Variants in FRMPD1 observed in about 807,000 individuals in gnomAD.
The protein encoded by FRMPD1 is FERM and PDZ domain-containing protein 1.
FRMPD1 carries 76 observed loss-of-function variants against 117.8 expected under a neutral mutation model. That is an observed-to-expected ratio of 0.65 (90% CI 0.54 to 0.78). The LOEUF is 0.78. FRMPD1 is among the 30% of genes least tolerant of loss of function. The probability of loss-of-function intolerance (pLI) is 0.00; values close to 1 mark genes in which losing one functional copy is unlikely to be tolerated. For missense variants in FRMPD1, 1,786 were observed against 1,964.5 expected (o/e 0.91, Z 1.72); for synonymous variants, 783 against 770.4 (o/e 1.02, Z -0.27).
At chr9:37,640,883 T>A in the FRMPD1 span, among the ~76,000 whole-genome samples, 1 of 152,112 alleles carries the variant, frequency 6.6e-6, no homozygotes, top group African/African-American at 2.4e-5. Flanking sequence ...CACCATGTTA[T>A]TTATTTATTT....
intron 2 of FRMPD1, among the ~76,000 whole-genome samples, chr9:37,703,750 A>G (rs1822609912): frequency 6.6e-6 from 1 of 152,164 alleles, no homozygotes; most frequent in Admixed American, 6.5e-5. Context: ...GTCTCTATAG[A>G]TTAGTCTGTT....
chr9:37,727,036 A>G (rs1823646978), intron 7 of FRMPD1, among the ~76,000 whole-genome samples: 2 of 152,224 alleles, frequency 1.3e-5, no homozygotes, highest in African/African-American at 2.4e-5. Context: ...AACAACACCA[A>G]CAAAGATCCA....
Position 37,746,355 on chromosome 9 carries a change from G to T in FRMPD1, c.4323G>T (p.Gly1441=). 6.2e-7 allele frequency: 1 copy of T among 1,612,562 alleles called. No individual in the cohort carries two copies. The highest frequency in any genetic ancestry group is 8.5e-7 in the Non-Finnish European group (1 of 1,179,688). The change falls in exon 16 of 16, where the codon GGG becomes GGT. Residue 1441 remains glycine, a synonymous_variant. Transcript: ENST00000377765. ...AAGACATTTTAGAAACTTCCTGGGG[G>T]GTTGGAAACAAACATCCCCCAGAGA... ...ELQDILETSW[G]VGNKHPPEKC...
At chr9:37,699,468 C>T (rs1001445329) in intron 2 of FRMPD1, among the ~76,000 whole-genome samples, 5 of 151,582 alleles carry the variant, frequency 3.3e-5, no homozygotes, top group South Asian at 2.1e-4. Flanking sequence ...TACAGGCATG[C>T]GCCACCACGC....
the FRMPD1 span, chr9:37,636,971 C>T: frequency 1.4e-5 from 22 of 1,587,654 alleles, no homozygotes; most frequent in African/African-American, 6.7e-5. Context: ...GCTGGCATGG[C>T]GGTCAATCTC....
At chr9:37,715,816 C>T in intron 5 of FRMPD1, 2 of 413,810 alleles carry the variant, frequency 4.8e-6, no homozygotes, top group Non-Finnish European at 9.7e-6. Context: ...TTTTTTTTTC[C>T]CAAAGCAGCC....
chr9:37,729,612 C>A, intron 7 of FRMPD1, 116 bp from the exon 8 acceptor site: 1 of 1,038,940 alleles, frequency 9.6e-7, no homozygotes, highest in Non-Finnish European at 1.4e-6. Context: ...CGTAAGTCAG[C>A]AGTGGGCATG....
intron 1 of FRMPD1, among the ~76,000 whole-genome samples, chr9:37,681,345 T>C (rs766379630): frequency 4.7e-4 from 71 of 152,206 alleles, no homozygotes; most frequent in Non-Finnish European, 1.6e-4. Flanking sequence ...TGTGAAAGAC[T>C]TGACTGAGAT....
At chr9:37,727,550 C>A (rs954836176) in intron 7 of FRMPD1, among the ~76,000 whole-genome samples, 1 of 152,136 alleles carries the variant, frequency 6.6e-6, no homozygotes, top group East Asian at 1.9e-4. Flanking sequence ...TGAGCCCAAG[C>A]TGAGGTAGAC....
chr9:37,683,504 A>T lies in FRMPD1; in HGVS notation c.-4-9134A>T, dbSNP rs551791490. ...GTGTTCTGTGCAAATCCAGTACACTACTGTGCCTGTTCATTGAAGTGTGAG... is the reference window on the plus strand; with the variant it reads ...GTGTTCTGTGCAAATCCAGTACACTTCTGTGCCTGTTCATTGAAGTGTGAG... On this transcript the variant is annotated intron_variant, in intron 1 of 15. Coordinates refer to ENST00000377765, the MANE Select transcript of FRMPD1 (RefSeq NM_014907.3). 9.1e-4 allele frequency among the ~76,000 whole-genome samples: 139 copies of T among 152,312 alleles called. 1 individual carries two copies. The highest frequency in any genetic ancestry group is 3.4e-3 in the Middle Eastern group (1 of 294).
chr9:37,712,925 A>G (rs1201203826), intron 5 of FRMPD1, among the ~76,000 whole-genome samples: 3 of 152,192 alleles, frequency 2.0e-5, no homozygotes, highest in African/African-American at 7.2e-5. Flanking sequence ...ATAAAATACA[A>G]AAACCTTAAG....
At chr9:37,720,492 A>G (rs1463238205) in intron 6 of FRMPD1, among the ~76,000 whole-genome samples, 2 of 152,070 alleles carry the variant, frequency 1.3e-5, no homozygotes, top group East Asian at 1.9e-4. Context: ...GCGAAACCCC[A>G]TCTCTATTAA....
chr9:37,616,844 C>T, the FRMPD1 span, among the ~76,000 whole-genome samples: 3 of 152,144 alleles, frequency 2.0e-5, no homozygotes, highest in Non-Finnish European at 2.9e-5. Flanking sequence ...GATTGGAAGG[C>T]ACAACAGTGA....
Position 37,739,252 on chromosome 9 carries a change from G to A in FRMPD1, c.1550-826G>A, listed in dbSNP as rs866103607. Among the ~76,000 whole-genome samples the A allele has an allele frequency of 6.6e-5, 10 of 152,210 alleles. No homozygotes were observed. The East Asian group carries it at 1.5e-3, about 24-fold the overall frequency. On this transcript the variant is annotated intron_variant, in intron 14 of 15. Coordinates refer to ENST00000377765, the MANE Select transcript of FRMPD1 (RefSeq NM_014907.3). Reference sequence around the variant, plus strand: ...GGGAGGACTAGACTGTGCATGAGGCGCCATGGCCATCCTGTGAGAAGGGCA... The same window carrying A: ...GGGAGGACTAGACTGTGCATGAGGCACCATGGCCATCCTGTGAGAAGGGCA...
chr9:37,608,440 CTTCTT>C, the FRMPD1 span, among the ~76,000 whole-genome samples: 2 of 146,864 alleles, frequency 1.4e-5, no homozygotes, highest in African/African-American at 5.1e-5. Context: ...TACATCCTTC[CTTCTT>C]TTCTTTTCCT....
At position 37,692,693 on chromosome 9, in the gene FRMPD1, G is replaced by A. The variant is rs1822183187; in HGVS notation, c.52G>A (p.Glu18Lys). Residue 18 changes from glutamate (E) to lysine (K), a missense_variant, in exon 2 of 16, where the codon GAA (glutamate) becomes AAA (lysine). Transcript: ENST00000377765. Reference protein sequence around the residue: ...LFQTRKAHRIEQMVARWLRRS... With the variant: ...LFQTRKAHRIKQMVARWLRRS... ...CCAGACACGGAAAGCACATAGAATA[G>A]AACAAATGGTGGCAAGATGGCTTCG... is the stretch of plus-strand genomic sequence containing the variant. 3 of 1,614,060 alleles carry A rather than the reference G, an allele frequency of 1.9e-6. No individual in the cohort carries two copies. The highest frequency in any genetic ancestry group is 2.5e-6 in the Non-Finnish European group (3 of 1,179,928).
At chr9:37,697,730 C>T (rs1822376337) in intron 2 of FRMPD1, among the ~76,000 whole-genome samples, 1 of 152,206 alleles carries the variant, frequency 6.6e-6, no homozygotes. Context: ...CTTTTGCTTT[C>T]AATCAAATTG....
chr9:37,692,802 C>T, intron 2 of FRMPD1, 60 bp downstream of exon 2: 1 of 1,194,942 alleles, frequency 8.4e-7, no homozygotes, highest in South Asian at 1.2e-5. Context: ...GGGGGAGGAG[C>T]TTGTGCTGGT....
chr9:37,636,272 G>C, the FRMPD1 span, among the ~76,000 whole-genome samples: 1 of 152,170 alleles, frequency 6.6e-6, no homozygotes, highest in Non-Finnish European at 1.5e-5. Context: ...ACTGACTGCA[G>C]CCAGGGCAGT....
Sources: allele counts gnomAD v4.1 joint callset (sites outside exome capture counted in the v4.1 genomes callset), GRCh38; gene constraint gnomAD v4.1.1; transcripts MANE v1.5; gene names NCBI Gene and HGNC (gene_info 2026-07-23, HGNC 2026-07-21).